Variants in IFT88 observed in about 807,000 individuals in gnomAD.
The protein encoded by IFT88 is intraflagellar transport 88.
In IFT88, 74 loss-of-function variants were observed where a neutral mutation model predicts 119.5. The ratio of observed to expected loss-of-function variants is 0.62; its 90% CI spans 0.51 to 0.75. The LOEUF (loss-of-function observed/expected upper bound fraction) is 0.75. IFT88 is among the 30% of genes least tolerant of loss of function. The pLI is 0.00. For missense variants in IFT88, 961 were observed against 977.7 expected, an observed-to-expected ratio of 0.98 and a Z score of 0.23; for synonymous variants, 279 against 316.7, an observed-to-expected ratio of 0.88 and a Z score of 1.26.
rs189683806 is a variant in IFT88, at chr13:20,635,554, C to A, written c.1387-2778C>A. 2.0e-5 allele frequency among the ~76,000 whole-genome samples: 3 copies of A among 152,330 alleles called. No homozygotes were observed. The East Asian group carries it at 5.8e-4, about 29-fold the overall frequency. ...CGGAGTGGCCCCCTAATTCTTTGTC[C>A]TCTGTGGCTCTTGGCTCGGCCTTCT... On this transcript the variant is annotated intron_variant, in intron 16 of 25. Coordinates refer to ENST00000351808, the MANE Select transcript of IFT88 (RefSeq NM_006531.5).
chr13:20,673,396 C>G (rs1031396377), intron 24 of IFT88, among the ~76,000 whole-genome samples: 3 of 152,166 alleles, frequency 2.0e-5, no homozygotes, highest in African/African-American at 7.2e-5. Context: ...CCCCAGAGCC[C>G]AGGGGACAGT....
intron 13 of IFT88, among the ~76,000 whole-genome samples, chr13:20,607,066 G>A (rs190756561): frequency 5.3e-5 from 8 of 152,206 alleles, no homozygotes; most frequent in Non-Finnish European, 1.0e-4. Flanking sequence ...GCAGGATGGC[G>A]GCGGCTACAG....
At chr13:20,668,535 G>A (rs1450240538) in intron 23 of IFT88, among the ~76,000 whole-genome samples, 1 of 152,136 alleles carries the variant, frequency 6.6e-6, no homozygotes, top group Non-Finnish European at 1.5e-5. Context: ...CTATTACAAT[G>A]GTTAGTACAC....
At chr13:20,568,603 C>T (rs1171670713) in intron 1 of IFT88, among the ~76,000 whole-genome samples, 1 of 152,196 alleles carries the variant, frequency 6.6e-6, no homozygotes, top group Non-Finnish European at 1.5e-5. Context: ...TCAAAGTGGT[C>T]CCCAGACCAG....
chr13:20,606,201 C>G (rs3002169), intron 13 of IFT88, among the ~76,000 whole-genome samples: 25,027 of 151,998 alleles, frequency 0.16, 2,401 homozygotes, highest in African/African-American at 0.25. Flanking sequence ...GTGGATGACA[C>G]GTGGGGAGCC....
chr13:20,667,683 C>T (rs1188965625), intron 23 of IFT88, among the ~76,000 whole-genome samples: 1 of 150,648 alleles, frequency 6.6e-6, no homozygotes, highest in Non-Finnish European at 1.5e-5. Context: ...ACCTTGTGAT[C>T]CGCCCACCTC....
In IFT88 at chr13:20,663,589, A is replaced by G; in HGVS notation, c.2160A>G (p.Lys720=). 6.2e-7 allele frequency: 1 copy of G among 1,612,828 alleles called. No homozygotes were observed. The highest frequency in any genetic ancestry group is 8.5e-7 in the Non-Finnish European group (1 of 1,179,004). The change falls in exon 23 of 26, where the codon AAA becomes AAG. Residue 720 remains lysine (K), a synonymous_variant. Transcript: ENST00000351808. ...AACTGAAGAGGTTGGAAAAAATGAAAGAAATAAGGGAACAGGTATCTCATA... is the reference window on the plus strand; with the variant it reads ...AACTGAAGAGGTTGGAAAAAATGAAGGAAATAAGGGAACAGGTATCTCATA... ...ARKLKRLEKM[K]EIREQRIKSG...
chr13:20,583,031 A>C lies in IFT88; in HGVS notation c.153+12A>C. The C allele has an allele frequency of 6.3e-7, 1 of 1,590,072 alleles. No homozygotes were observed. The highest frequency in any genetic ancestry group is 8.6e-7 in the Non-Finnish European group (1 of 1,164,504). ...GCAGAAGACCTCCAGTAAGTGAAAA[A>C]AATTTTTTTTAAATTGTGGTAAAAA... On this transcript the variant is annotated intron_variant, in intron 3 of 25. Coordinates refer to ENST00000351808, the MANE Select transcript of IFT88 (RefSeq NM_006531.5).
chr13:20,613,838 A>G (rs1036285016), intron 13 of IFT88, among the ~76,000 whole-genome samples: 3 of 152,142 alleles, frequency 2.0e-5, no homozygotes, highest in African/African-American at 4.8e-5. Context: ...TGCACCAACC[A>G]ATACAATACA....
intron 24 of IFT88, among the ~76,000 whole-genome samples, chr13:20,683,126 A>G (rs1430996935): frequency 1.3e-5 from 2 of 152,184 alleles, no homozygotes; most frequent in Non-Finnish European, 2.9e-5. Flanking sequence ...TGTTGGAGCT[A>G]TGTGTCCTTT....
At chr13:20,643,695 CT>C in intron 19 of IFT88, 90 bp downstream of exon 19, 2 of 831,718 alleles carry the variant, frequency 2.4e-6, no homozygotes, top group Non-Finnish European at 3.8e-6. Context: ...TTTAGAAGAT[CT>C]TACCAGTTTT....
chr13:20,641,381 T>C lies in IFT88; in HGVS notation c.1665T>C (p.Leu555=). The C allele has an allele frequency of 6.2e-7, 1 of 1,608,070 alleles. No homozygotes were observed. The highest frequency in any genetic ancestry group is 8.5e-7 in the Non-Finnish European group (1 of 1,175,216). Residue 555 remains leucine (L), a synonymous_variant, in exon 18 of 26, where the codon CTT becomes CTC. Coordinates refer to ENST00000351808, the MANE Select transcript of IFT88 (RefSeq NM_006531.5). ...TCCTACGAAACAGTGCCGAAGTTCT[T>C]TACCAGATAGCAAATATGTATCTTA... ...HAILRNSAEV[L]YQIANIYELM...
intron 22 of IFT88, among the ~76,000 whole-genome samples, chr13:20,658,317 G>A (rs1380202092): frequency 6.6e-6 from 1 of 152,062 alleles, no homozygotes; most frequent in African/African-American, 2.4e-5. Flanking sequence ...CACTCTTCAA[G>A]CGATTCTCTT....
rs182813856 is a variant in IFT88 at position 20,587,170 on chromosome 13, A to G, written c.154-2641A>G. Among the ~76,000 whole-genome samples, 5 of 152,272 alleles carry G rather than the reference A, an allele frequency of 3.3e-5. No homozygotes were observed. In the East Asian group the frequency reaches 9.6e-4, roughly 29 times the overall value. ...AATATATATGTTCCACGATGGGTAC[A>G]GTGTAATATGTCAATTAGGTAAAGT... On this transcript the variant is annotated intron_variant, in intron 3 of 25. Transcript: ENST00000351808.
intron 23 of IFT88, 63 bp downstream of exon 23, chr13:20,663,667 C>T (rs2054181859): frequency 1.7e-6 from 2 of 1,160,606 alleles, no homozygotes; most frequent in Admixed American, 2.0e-5. Flanking sequence ...TTCTATAGCT[C>T]AAATGTGTGA....
intron 24 of IFT88, among the ~76,000 whole-genome samples, chr13:20,681,368 A>G (rs1397024860): frequency 1.3e-5 from 2 of 152,238 alleles, no homozygotes; most frequent in African/African-American, 2.4e-5. Context: ...GGTGGCACCC[A>G]TTTGCCAAAG....
chr13:20,634,805 T>G (rs1204259347), intron 16 of IFT88, among the ~76,000 whole-genome samples: 1 of 149,668 alleles, frequency 6.7e-6, no homozygotes, highest in East Asian at 1.9e-4. Flanking sequence ...TTTCTTTATT[T>G]TTTTTTTTTA....
chr13:20,588,059 G>T (rs1349787608), intron 3 of IFT88, among the ~76,000 whole-genome samples: 1 of 117,696 alleles, frequency 8.5e-6, no homozygotes. Context: ...CTTCTTTTTT[G>T]CTTGTTTTTT....
chr13:20,607,076 G>A (rs1377635674), intron 13 of IFT88, among the ~76,000 whole-genome samples: 6 of 152,170 alleles, frequency 3.9e-5, no homozygotes, highest in African/African-American at 7.2e-5. Flanking sequence ...GGCGGCTACA[G>A]TGGGCAATGT....
Sources: allele counts gnomAD v4.1 joint callset (sites outside exome capture counted in the v4.1 genomes callset), GRCh38; gene constraint gnomAD v4.1.1; transcripts MANE v1.5; gene names NCBI Gene and HGNC (gene_info 2026-07-23, HGNC 2026-07-21).